Variants in CDK6 observed in about 807,000 individuals in gnomAD.
CDK6 encodes the protein cyclin dependent kinase 6, also known as cyclin-dependent kinase 6.
A neutral mutation model predicts 37.1 loss-of-function variants in CDK6; 6 were observed. The observed-to-expected ratio is 0.16, with a 90% CI of 0.09 to 0.32. The LOEUF (loss-of-function observed/expected upper bound fraction) is 0.32. Ranked by LOEUF, CDK6 falls within the 10% of genes least tolerant of loss-of-function variation. CDK6 has a pLI of 1.00. For synonymous variants in CDK6, 160 were observed against 161.3 expected (o/e 0.99, Z 0.06); for missense variants, 224 against 418.9 (o/e 0.53, Z 4.06).
At chr7:92,830,945 A>G (rs1015845869) in intron 2 of CDK6, among the ~76,000 whole-genome samples, 5 of 152,218 alleles carry the variant, frequency 3.3e-5, no homozygotes, top group East Asian at 1.9e-4. Flanking sequence ...AAGCTGCTCC[A>G]TGGCAAGAGA....
chr7:92,711,313 C>T (rs2116680600), intron 4 of CDK6, among the ~76,000 whole-genome samples: 1 of 152,028 alleles, frequency 6.6e-6, no homozygotes, highest in African/African-American at 2.4e-5. Context: ...GACAAAATGC[C>T]TAGGATAAAT....
intron 4 of CDK6, among the ~76,000 whole-genome samples, chr7:92,677,642 G>T (rs1209854796): frequency 1.3e-5 from 2 of 152,104 alleles, no homozygotes; most frequent in Non-Finnish European, 2.9e-5. Context: ...TTTTGCAATA[G>T]ATATAAAAGA....
intron 5 of CDK6, among the ~76,000 whole-genome samples, chr7:92,665,845 G>A (rs1342338320): frequency 2.0e-5 from 3 of 152,218 alleles, no homozygotes; most frequent in Non-Finnish European, 2.9e-5. Flanking sequence ...AAAGGCGATC[G>A]AGTCAGGCAG....
intron 5 of CDK6, among the ~76,000 whole-genome samples, chr7:92,648,392 G>T (rs1796497972): frequency 6.6e-6 from 1 of 152,182 alleles, no homozygotes. Context: ...CTTTTTAGTT[G>T]AGAAAGACAA....
At position 92,611,353 on chromosome 7, in the gene CDK6, C is replaced by CT. The variant is rs1795558809; in HGVS notation, c.*3786_*3787insA. The CT allele has an allele frequency of 4.4e-6, 1 of 227,280 alleles. No homozygotes were observed. Among genetic ancestry groups the CT allele is most frequent in the East Asian group, 6.4e-5 (1 of 15,596 alleles). The allele number at this position is 227,280 out of a possible 1,614,324, so 14.1% of individuals were successfully genotyped here. On this transcript the variant is annotated 3_prime_UTR_variant, in exon 8 of 8. Transcript: ENST00000424848. ...ATTATGGTGGCATATTCACTTTTAA[C>CT]ATTATTTTTTCCTAGACTCAACTAT...
rs368775002 is a variant in CDK6 at position 92,689,759 on chromosome 7, T to C, written c.538-18224A>G. ...AATTTACACTCCCACCAACAATGTATAAGCATTCCTTTTTCTCCACAACCT... is the reference window on the plus strand; with the variant it reads ...AATTTACACTCCCACCAACAATGTACAAGCATTCCTTTTTCTCCACAACCT... On this transcript the variant is annotated intron_variant, in intron 4 of 7. Coordinates refer to ENST00000424848, the MANE Select transcript of CDK6 (RefSeq NM_001145306.2). Among the ~76,000 whole-genome samples the C allele has an allele frequency of 6.6e-5, 10 of 152,316 alleles. No homozygotes were observed. The East Asian group carries it at 1.7e-3, about 26-fold the overall frequency.
chr7:92,735,159 C>T (rs1480484829), intron 3 of CDK6, among the ~76,000 whole-genome samples: 2 of 152,186 alleles, frequency 1.3e-5, no homozygotes, highest in Non-Finnish European at 2.9e-5. Flanking sequence ...GTCTCTTACT[C>T]CAGTGTTACT....
intron 3 of CDK6, among the ~76,000 whole-genome samples, chr7:92,744,943 C>T (rs546051483): frequency 6.6e-6 from 1 of 151,886 alleles, no homozygotes; most frequent in South Asian, 2.1e-4. Flanking sequence ...GCTGGGCGAC[C>T]TTGGGTAATT....
In CDK6 at chr7:92,664,976, G is replaced by A. The variant is rs190876838; in HGVS notation, c.647+6450C>T. ...AATTTTTTGTATTTTTAATAGAGAC[G>A]GGTTTTCACTGTATTAGCCAGGATG... On this transcript the variant is annotated intron_variant, in intron 5 of 7. Transcript: ENST00000424848. Among the ~76,000 whole-genome samples the A allele has an allele frequency of 1.1e-3, 168 of 151,896 alleles. 1 individual carries two copies. The highest frequency in any genetic ancestry group is 3.9e-3 in the African/African-American group (163 of 41,448).
chr7:92,667,860 TAA>T (rs1796993298), intron 5 of CDK6, among the ~76,000 whole-genome samples: 4 of 152,198 alleles, frequency 2.6e-5, no homozygotes, highest in Admixed American at 6.5e-5. Flanking sequence ...CCAAAAAATT[TAA>T]AAAGTTTATG....
chr7:92,776,279 T>C lies in CDK6; in HGVS notation c.234-1448A>G, dbSNP rs573736591. Among the ~76,000 whole-genome samples the C allele has an allele frequency of 8.5e-5, 13 of 152,350 alleles. 1 individual carries two copies. In the South Asian group the frequency reaches 2.5e-3, roughly 29 times the overall value. On this transcript the variant is annotated intron_variant, in intron 2 of 7. Transcript: ENST00000424848. ...AGTGCATAGTATTCCATGGTGTATA[T>C]GTGCCACATTTTCTTTATCCAGTCT...
intron 3 of CDK6, among the ~76,000 whole-genome samples, chr7:92,755,135 A>G (rs1000368707): frequency 2.0e-5 from 3 of 152,052 alleles, no homozygotes; most frequent in African/African-American, 7.2e-5. Flanking sequence ...GCTCCCCTTA[A>G]TTTACTGGTC....
chr7:92,786,660 T>C (rs1584089335), intron 2 of CDK6, among the ~76,000 whole-genome samples: 2 of 147,598 alleles, frequency 1.4e-5, no homozygotes, highest in East Asian at 3.9e-4. Context: ...TATATATAAA[T>C]AATCTGGCTC....
Position 92,613,924 on chromosome 7 carries a change from T to C in CDK6, c.*1216A>G, listed in dbSNP as rs1309703911. 8.6e-6 allele frequency: 2 copies of C among 233,100 alleles called. No individual in the cohort carries two copies. The highest frequency in any genetic ancestry group is 5.6e-5 in the Admixed American group (1 of 17,778). The allele number at this position is 233,100 out of a possible 1,614,324, so 14.4% of individuals were successfully genotyped here. On this transcript the variant is annotated 3_prime_UTR_variant, in exon 8 of 8. Transcript: ENST00000424848. ...AGACTGCGAATTTATGAAAGGTTCATTGAAAGCAAGCAAACAGGTGGTGCA... is the reference window on the plus strand; with the variant it reads ...AGACTGCGAATTTATGAAAGGTTCACTGAAAGCAAGCAAACAGGTGGTGCA...
intron 2 of CDK6, among the ~76,000 whole-genome samples, chr7:92,782,300 A>C (rs1442152218): frequency 2.0e-5 from 3 of 152,222 alleles, no homozygotes; most frequent in African/African-American, 7.2e-5. Context: ...TTTATTCTAC[A>C]TCCTATTAAG....
chr7:92,704,211 C>T (rs1797919208), intron 4 of CDK6, among the ~76,000 whole-genome samples: 1 of 152,158 alleles, frequency 6.6e-6, no homozygotes, highest in Non-Finnish European at 1.5e-5. Context: ...GTTTATCATA[C>T]ACCTTCCTGA....
At chr7:92,769,080 T>C (rs555250322) in intron 3 of CDK6, among the ~76,000 whole-genome samples, 5 of 152,288 alleles carry the variant, frequency 3.3e-5, no homozygotes, top group African/African-American at 9.6e-5. Flanking sequence ...ATATTATTCA[T>C]GAAAACAGAC....
intron 3 of CDK6, among the ~76,000 whole-genome samples, chr7:92,767,848 G>A (rs1021874647): frequency 3.3e-5 from 5 of 151,970 alleles, no homozygotes; most frequent in African/African-American, 4.8e-5. Flanking sequence ...TTAAAAGCTC[G>A]TCTTCCACAG....
rs201470655 is a variant in CDK6, at chr7:92,684,966, TA to T, written c.538-13432del. Among the ~76,000 whole-genome samples the T allele has an allele frequency of 3.2e-3, 477 of 151,004 alleles. 3 individuals are homozygous for T. The highest frequency in any genetic ancestry group is 0.01 in the African/African-American group (418 of 41,212). ...TTTTACCATCTGATTTCAAAGTTGC[TA>T]AAAAAAAAGGTCTAATATGTAATAT... On this transcript the variant is annotated intron_variant, in intron 4 of 7. Coordinates refer to ENST00000424848, the MANE Select transcript of CDK6 (RefSeq NM_001145306.2).
Sources: gnomAD v4.1 joint callset for allele counts (sites outside exome capture counted in the v4.1 genomes callset) on GRCh38, gnomAD v4.1.1 for gene constraint, MANE v1.5 for transcripts, NCBI Gene and HGNC (gene_info 2026-07-23, HGNC 2026-07-21) for gene names.